The following SWT1 variants were observed in gnomAD, a reference collection of about 807,000 sequenced individuals.
SWT1 encodes SWT1 RNA endoribonuclease homolog.
In SWT1, 33 loss-of-function variants were observed where a neutral mutation model predicts 107.3. The observed-to-expected ratio is 0.31, with a 90% CI of 0.23 to 0.41. SWT1 has a LOEUF of 0.41. SWT1 is among the 10% of genes least tolerant of loss of function. The pLI is 1.00. For synonymous variants in SWT1, 345 were observed against 348.3 expected (o/e 0.99, Z 0.11); for missense variants, 898 against 1,028.9 (o/e 0.87, Z 1.74).
chr1:185,203,712 T>C (rs938325734), intron 11 of SWT1, among the ~76,000 whole-genome samples: 17 of 152,294 alleles, frequency 1.1e-4, no homozygotes, highest in African/African-American at 4.1e-4. Context: ...TGAAGAAATA[T>C]TTTATTAAAC....
At chr1:185,189,355 T>C (rs964593218) in intron 9 of SWT1, among the ~76,000 whole-genome samples, 1 of 152,172 alleles carries the variant, frequency 6.6e-6, no homozygotes, top group Non-Finnish European at 1.5e-5. Context: ...GGGTACCCTG[T>C]CAGCAGCTGA....
At chr1:185,221,619 C>T (rs532038264) in intron 14 of SWT1, among the ~76,000 whole-genome samples, 4 of 151,904 alleles carry the variant, frequency 2.6e-5, no homozygotes, top group East Asian at 1.9e-4. Flanking sequence ...AGCATGTTAG[C>T]GAAACAAATC....
intron 16 of SWT1, among the ~76,000 whole-genome samples, chr1:185,239,076 T>C (rs1160907264): frequency 6.6e-6 from 1 of 152,092 alleles, no homozygotes; most frequent in Non-Finnish European, 1.5e-5. Flanking sequence ...TATAGTGTTA[T>C]ATTGGGGCTC....
At chr1:185,275,494 T>C (rs1327919663) in intron 17 of SWT1, among the ~76,000 whole-genome samples, 3 of 149,292 alleles carry the variant, frequency 2.0e-5, no homozygotes, top group Non-Finnish European at 4.4e-5. Context: ...TTAAGCAATA[T>C]ATCCATGTTC....
At chr1:185,267,355 A>C (rs573627861) in intron 16 of SWT1, among the ~76,000 whole-genome samples, 2 of 152,336 alleles carry the variant, frequency 1.3e-5, no homozygotes, top group African/African-American at 4.8e-5. Context: ...GCAAAACCGA[A>C]TTTAGGGTGT....
intron 10 of SWT1, among the ~76,000 whole-genome samples, chr1:185,192,635 T>A (rs1332659085): frequency 6.6e-6 from 1 of 151,226 alleles, no homozygotes; most frequent in African/African-American, 2.4e-5. Flanking sequence ...AGAGAACACG[T>A]CTGTAACGCC....
At chr1:185,282,145 A>G (rs1664665288) in intron 18 of SWT1, among the ~76,000 whole-genome samples, 1 of 152,166 alleles carries the variant, frequency 6.6e-6, no homozygotes, top group Non-Finnish European at 1.5e-5. Flanking sequence ...GTTTTTCCCC[A>G]CCGTAAAAGA....
intron 16 of SWT1, among the ~76,000 whole-genome samples, chr1:185,258,182 A>C (rs1314272580): frequency 6.6e-6 from 1 of 152,050 alleles, no homozygotes; most frequent in African/African-American, 2.4e-5. Context: ...TAACGTAATA[A>C]ATGTGTACTT....
At chr1:185,178,901 A>G (rs1655794557) in intron 5 of SWT1, among the ~76,000 whole-genome samples, 1 of 152,240 alleles carries the variant, frequency 6.6e-6, no homozygotes, top group Admixed American at 6.5e-5. Context: ...CTGATTTCCC[A>G]GTAAAGCATT....
intron 18 of SWT1, among the ~76,000 whole-genome samples, chr1:185,277,891 A>G (rs1438203017): frequency 1.3e-5 from 2 of 152,152 alleles, no homozygotes; most frequent in African/African-American, 2.4e-5. Flanking sequence ...ACTTAAATGT[A>G]TCACACTATA....
At chr1:185,229,610 C>T (rs926619763) in intron 15 of SWT1, among the ~76,000 whole-genome samples, 1 of 151,780 alleles carries the variant, frequency 6.6e-6, no homozygotes, top group African/African-American at 2.4e-5. Flanking sequence ...TCGGTCTCCT[C>T]CTGCCTCCCT....
intron 4 of SWT1, among the ~76,000 whole-genome samples, chr1:185,170,779 C>G (rs1654982504): frequency 6.6e-6 from 1 of 152,164 alleles, no homozygotes; most frequent in South Asian, 2.1e-4. Flanking sequence ...TGAAGGAGCA[C>G]TGTTTCTTTC....
rs74627096 is a variant in SWT1, at chr1:185,281,719, G to A, written c.2573+5051G>A. On this transcript the variant is annotated intron_variant, in intron 18 of 18. Coordinates refer to ENST00000367500, the MANE Select transcript of SWT1 (RefSeq NM_017673.7). ...TAACCAGGGTGCAGAGAAGAAAGAC[G>A]GACAGGAAAAGAAGAGAACAAAAAG... 767 of 161,948 alleles carry A rather than the reference G, an allele frequency of 4.7e-3. 6 individuals are homozygous for A. Among genetic ancestry groups the A allele is most frequent in the African/African-American group, 0.017 (710 of 41,562 alleles). 10.0% of individuals were successfully genotyped at this position (161,948 alleles called of 1,614,324 possible).
chr1:185,262,306 C>A (rs1175717937), intron 16 of SWT1: 1 of 152,208 alleles, frequency 6.6e-6, no homozygotes, highest in Non-Finnish European at 1.5e-5. Flanking sequence ...TTGTTTCTGG[C>A]TCCCTTTAGT....
At chr1:185,160,709 A>T in intron 1 of SWT1, 124 bp from the exon 2 acceptor site, 1 of 692,752 alleles carries the variant, frequency 1.4e-6, no homozygotes. Flanking sequence ...CTCAAAAAAA[A>T]ATAAAATAAA....
intron 15 of SWT1, 147 bp from the exon 16 acceptor site, chr1:185,231,430 T>C (rs887781602): frequency 9.3e-6 from 6 of 647,750 alleles, no homozygotes; most frequent in Non-Finnish European, 1.6e-5. Flanking sequence ...TATTTTACTA[T>C]CTTTTATTTC....
At chr1:185,248,667 T>A (rs1163392818) in intron 16 of SWT1, among the ~76,000 whole-genome samples, 1 of 151,880 alleles carries the variant, frequency 6.6e-6, no homozygotes, top group African/African-American at 2.4e-5. Flanking sequence ...CTAATCTCTC[T>A]CCTCTCTTCA....
intron 5 of SWT1, among the ~76,000 whole-genome samples, chr1:185,179,533 A>G (rs887030764): frequency 6.6e-6 from 1 of 152,176 alleles, no homozygotes. Flanking sequence ...CTCTAACTAC[A>G]TATAATATAA....
chr1:185,208,258 T>G (rs1005244424), intron 13 of SWT1, among the ~76,000 whole-genome samples: 21 of 152,216 alleles, frequency 1.4e-4, no homozygotes, highest in African/African-American at 4.6e-4. Flanking sequence ...ATGATAGGTG[T>G]ACCTTATTCT....
Sources: allele counts gnomAD v4.1 joint callset (sites outside exome capture counted in the v4.1 genomes callset), GRCh38; gene constraint gnomAD v4.1.1; transcripts MANE v1.5; gene names NCBI Gene and HGNC (gene_info 2026-07-23, HGNC 2026-07-21).